Variants in RAN observed in about 807,000 individuals in gnomAD.
RAN encodes RAN, member RAS oncogene family, also known as GTP-binding nuclear protein Ran.
In RAN, 2 loss-of-function variants were observed where a neutral mutation model predicts 26.8. The ratio of observed to expected loss-of-function variants is 0.07; its 90% CI spans 0.03 to 0.23. The LOEUF (loss-of-function observed/expected upper bound fraction) is 0.23. Ranked by LOEUF, RAN falls within the 10% of genes least tolerant of loss-of-function variation. The pLI is 1.00. For missense variants in RAN, 56 were observed against 264.8 expected (o/e 0.21, Z 5.47); for synonymous variants, 132 against 95.9 (o/e 1.38, Z -2.20).
At chr12:130,873,316 A>T in intron 4 of RAN, 188 bp downstream of exon 4, 1 of 647,172 alleles carries the variant, frequency 1.5e-6, no homozygotes, top group African/African-American at 1.8e-5. Context: ...TGTCATTTGC[A>T]TGCTGTGTCA....
In RAN at chr12:130,876,912, G is replaced by T. The variant is rs1308123393; in HGVS notation, c.*986G>T. On this transcript the variant is annotated 3_prime_UTR_variant, in exon 7 of 7. Transcript: ENST00000543796. ...GTTCTTCAGCAGTTCACACTACACC[G>T]TTTTTTTGTTTTTTTTTCCCCCCCG... The T allele has an allele frequency of 3.3e-5, 5 of 151,832 alleles. No homozygotes were observed. In the East Asian group the frequency reaches 9.6e-4, roughly 29 times the overall value. 9.4% of individuals were successfully genotyped at this position (151,832 alleles called of 1,614,324 possible). A position where few individuals can be genotyped will look rare whatever the true frequency, so the allele number is the denominator to read the frequency against.
chr12:130,872,563 C>T (rs780679065), intron 1 of RAN, 21 bp from the exon 2 acceptor site: 9 of 1,486,688 alleles, frequency 6.1e-6, no homozygotes, highest in East Asian at 5.1e-5. Flanking sequence ...GAGCGCTCGC[C>T]TCCGTCCTCT....
At chr12:130,873,881 T>C (rs1414265899) in intron 4 of RAN, 4 of 170,652 alleles carry the variant, frequency 2.3e-5, no homozygotes, top group Admixed American at 6.0e-5. Context: ...ATTTATTTAA[T>C]TTTTTTTTGA....
intron 2 of RAN, 85 bp from the exon 3 acceptor site, chr12:130,872,751 G>A: frequency 1.3e-6 from 2 of 1,582,478 alleles, no homozygotes; most frequent in Non-Finnish European, 8.7e-7. Flanking sequence ...TTTTAAGTGA[G>A]CCTGTGGTGG....
rs1322342569 is a variant in RAN at position 130,873,260 on chromosome 12, G to A, written c.247+132G>A. 7.2e-6 allele frequency: 9 copies of A among 1,249,256 alleles called. No homozygotes were observed. In the South Asian group the frequency reaches 8.8e-5, roughly 12 times the overall value. 77.4% of individuals were successfully genotyped at this position (1,249,256 alleles called of 1,614,324 possible). On this transcript the variant is annotated intron_variant, in intron 4 of 6. Transcript: ENST00000543796. ...TTAAAAAAAGACAAGTGGACTTCGG[G>A]GAGTTGACCACCATTTTGGTGGCAG...
chr12:130,872,620 C>T lies in RAN; in HGVS notation c.27C>T (p.Val9=), dbSNP rs766759202. MAAQGEPQ[V]QFKLVLVGDG... is the part of the protein sequence containing the mutation. ...TGGCTGCGCAGGGAGAGCCCCAGGT[C>T]CAGTTCAAAGTAGGTAACCCTGCGG... The change falls in exon 2 of 7, where the codon GTC becomes GTT. Residue 9 remains valine, a synonymous_variant. Transcript: ENST00000543796. The T allele has an allele frequency of 3.9e-6, 6 of 1,531,484 alleles. No individual in the cohort carries two copies. In the East Asian group the frequency reaches 9.5e-5, roughly 24 times the overall value. 94.9% of individuals were successfully genotyped at this position (1,531,484 alleles called of 1,614,324 possible).
In RAN at chr12:130,874,367, T is replaced by C. The variant is rs371480939; in HGVS notation, c.248-179T>C. 2.0e-4 allele frequency: 112 copies of C among 558,108 alleles called. 2 individuals are homozygous for C. The East Asian group carries it at 2.1e-3, about 11-fold the overall frequency. The allele number at this position is 558,108 out of a possible 1,614,324, so 34.6% of individuals were successfully genotyped here. On this transcript the variant is annotated intron_variant, in intron 4 of 6. Coordinates refer to ENST00000543796, the MANE Select transcript of RAN (RefSeq NM_006325.5). ...TTTGATAGGGTCAGCTCATCTCTCT[T>C]AGGAGGAATTGTGTATTAACATTTT...
At position 130,877,451 on chromosome 12, in the gene RAN, C is replaced by T. The variant is rs1047101492; in HGVS notation, c.*1525C>T. 2.6e-5 allele frequency: 4 copies of T among 152,098 alleles called. No individual in the cohort carries two copies. Among genetic ancestry groups the T allele is most frequent in the African/African-American group, 9.7e-5 (4 of 41,422 alleles). 9.4% of individuals were successfully genotyped at this position (152,098 alleles called of 1,614,324 possible). Reference sequence around the variant, plus strand: ...CCTGTGAGATGGGAAGTTTTTTCCCCATAATTGGGATGAAACCTTTCATTC... The same window carrying T: ...CCTGTGAGATGGGAAGTTTTTTCCCTATAATTGGGATGAAACCTTTCATTC... On this transcript the variant is annotated 3_prime_UTR_variant, in exon 7 of 7. Transcript: ENST00000543796.
chr12:130,875,124 C>T (rs1327735670), intron 5 of RAN, among the ~76,000 whole-genome samples: 1 of 152,122 alleles, frequency 6.6e-6, no homozygotes. Flanking sequence ...CTGTGCCCGG[C>T]CGGAAATAAT....
Position 130,872,648 on chromosome 12 carries a change from C to A in RAN, c.36+19C>A. On this transcript the variant is annotated intron_variant, in intron 2 of 6. Transcript: ENST00000543796. ...GTTCAAAGTAGGTAACCCTGCGGGG[C>A]GGGAGGCGGCCGAGCCCGACCGCGT... 1 of 1,521,528 alleles carries A rather than the reference C, an allele frequency of 6.6e-7. No individual in the cohort carries two copies. Among genetic ancestry groups the A allele is most frequent in the Non-Finnish European group, 8.8e-7 (1 of 1,137,956 alleles). 94.3% of individuals were successfully genotyped at this position (1,521,528 alleles called of 1,614,324 possible).
chr12:130,872,820 A>G lies in RAN; in HGVS notation c.37-16A>G, dbSNP rs771482803. 4 of 1,613,960 alleles carry G rather than the reference A, an allele frequency of 2.5e-6. No individual in the cohort carries two copies. Reference sequence around the variant, plus strand: ...GAAGTGTTTAGGGTTTACTTCCAAAATGTGTTTTTCAACAGCTTGTATTGG... The same window carrying G: ...GAAGTGTTTAGGGTTTACTTCCAAAGTGTGTTTTTCAACAGCTTGTATTGG... On this transcript the variant is annotated splice_polypyrimidine_tract_variant and intron_variant, in intron 2 of 6. Coordinates refer to ENST00000543796, the MANE Select transcript of RAN (RefSeq NM_006325.5).
At position 130,877,395 on chromosome 12, in the gene RAN, T is replaced by TA. The variant is rs1263361853; in HGVS notation, c.*1470dup. 3.3e-5 allele frequency: 5 copies of TA among 152,382 alleles called. No homozygotes were observed. The highest frequency in any genetic ancestry group is 9.6e-5 in the African/African-American group (4 of 41,596). 9.4% of individuals were successfully genotyped at this position (152,382 alleles called of 1,614,324 possible). ...TTAAGATCTGAATTGCTGTGTATGT[T>TA]ACGCTGTATTCAGAACCAGTTTCTA... is the stretch of plus-strand genomic sequence containing the variant. On this transcript the variant is annotated 3_prime_UTR_variant, in exon 7 of 7. Transcript: ENST00000543796.
intron 4 of RAN, chr12:130,873,507 G>A: frequency 4.5e-6 from 1 of 220,308 alleles, no homozygotes; most frequent in South Asian, 6.1e-5. Flanking sequence ...CCAGATACTA[G>A]ACCAGAGGAG....
intron 5 of RAN, among the ~76,000 whole-genome samples, chr12:130,874,943 C>T (rs1246585993): frequency 6.6e-6 from 1 of 152,068 alleles, no homozygotes; most frequent in African/African-American, 2.4e-5. Flanking sequence ...TCTCAGCTCC[C>T]CTAGTAGCTG....
At chr12:130,872,804 A>C (rs1225966795) in intron 2 of RAN, 32 bp from the exon 3 acceptor site, 1 of 1,609,364 alleles carries the variant, frequency 6.2e-7, no homozygotes, top group African/African-American at 1.3e-5. Context: ...TGAAGTGTTT[A>C]GGGTTTACTT....
intron 3 of RAN, 21 bp from the exon 4 acceptor site, chr12:130,872,982 A>G (rs1250438209): frequency 6.2e-6 from 10 of 1,614,084 alleles, no homozygotes; most frequent in Admixed American, 3.3e-5. Context: ...CATCCACTCA[A>G]TCGCATCGTT....
rs1953262608 is a variant in RAN at position 130,877,193 on chromosome 12, C to T, written c.*1267C>T. 6.6e-6 allele frequency: 1 copy of T among 151,942 alleles called. No individual in the cohort carries two copies. 9.4% of individuals were successfully genotyped at this position (151,942 alleles called of 1,614,324 possible). Reference sequence around the variant, plus strand: ...GTTAGGAATCTTGAGCTATTTTTTTCTCATACGATTACTATAGTCCAGTTT... The same window carrying T: ...GTTAGGAATCTTGAGCTATTTTTTTTTCATACGATTACTATAGTCCAGTTT... On this transcript the variant is annotated 3_prime_UTR_variant, in exon 7 of 7. Coordinates refer to ENST00000543796, the MANE Select transcript of RAN (RefSeq NM_006325.5).
chr12:130,873,049 A>G lies in RAN; in HGVS notation c.168A>G (p.Arg56=), dbSNP rs114011062. 1.1e-4 allele frequency: 185 copies of G among 1,614,192 alleles called. No individual in the cohort carries two copies. The African/African-American group carries it at 1.9e-3, about 17-fold the overall frequency. ...EVHPLVFHTN[R]GPIKFNVWDT... ...ATCCCCTAGTGTTCCACACCAACAG[A>G]GGACCTATTAAGTTCAATGTATGGG... The change falls in exon 4 of 7, where the codon AGA becomes AGG. Residue 56 remains arginine, a synonymous_variant. Transcript: ENST00000543796.
At chr12:130,875,471 C>T in intron 5 of RAN, 141 bp from the exon 6 acceptor site, 3 of 757,440 alleles carry the variant, frequency 4.0e-6, no homozygotes, top group Non-Finnish European at 6.2e-6. Context: ...CCCACCTCAG[C>T]CCCCGAAAGT....
Sources: allele counts gnomAD v4.1 joint callset (sites outside exome capture counted in the v4.1 genomes callset), GRCh38; gene constraint gnomAD v4.1.1; transcripts MANE v1.5; gene names NCBI Gene and HGNC (gene_info 2026-07-23, HGNC 2026-07-21).